Variants in ARCN1 observed in about 807,000 individuals in gnomAD.
ARCN1 encodes the protein coatomer subunit delta.
In ARCN1, 5 loss-of-function variants were observed where a neutral mutation model predicts 60.4. The observed-to-expected ratio is 0.08, with a 90% CI of 0.04 to 0.17. The LOEUF (loss-of-function observed/expected upper bound fraction) is 0.17, where lower values mean the gene tolerates loss of function less well. Ranked by LOEUF, ARCN1 falls within the 10% of genes least tolerant of loss-of-function variation. ARCN1 has a pLI of 1.00. For missense variants in ARCN1, 464 were observed against 626.5 expected, an observed-to-expected ratio of 0.74 and a Z score of 2.77; for synonymous variants, 224 against 220.0, an observed-to-expected ratio of 1.02 and a Z score of -0.16.
chr11:118,585,697 G>A (rs1555075394), intron 5 of ARCN1, among the ~76,000 whole-genome samples: 3 of 151,650 alleles, frequency 2.0e-5, no homozygotes, highest in East Asian at 1.9e-4. Flanking sequence ...GCACCACCAC[G>A]CTGGGCTAAT....
chr11:118,579,445 G>T (rs1555074245), intron 1 of ARCN1, among the ~76,000 whole-genome samples: 1 of 151,776 alleles, frequency 6.6e-6, no homozygotes, highest in Non-Finnish European at 1.5e-5. Context: ...GCCGAGGTGG[G>T]CAGATCACCC....
intron 2 of ARCN1, 71 bp downstream of exon 2, chr11:118,581,580 A>G: frequency 6.6e-7 from 1 of 1,508,060 alleles, no homozygotes; most frequent in South Asian, 1.3e-5. Context: ...TTTTTCCTCC[A>G]AAGCAGCTGA....
chr11:118,573,280 G>GA (rs1248750136), intron 1 of ARCN1, among the ~76,000 whole-genome samples: 3 of 152,186 alleles, frequency 2.0e-5, no homozygotes, highest in Non-Finnish European at 4.4e-5. Context: ...TCCAGGTGAA[G>GA]AAAAATGTGT....
At chr11:118,589,323 A>C (rs943454143) in intron 5 of ARCN1, among the ~76,000 whole-genome samples, 1 of 152,232 alleles carries the variant, frequency 6.6e-6, no homozygotes, top group Non-Finnish European at 1.5e-5. Context: ...TTCCTTGTAT[A>C]ATTTTAATTT....
At position 118,601,982 on chromosome 11, in the gene ARCN1, C is replaced by G. The variant is rs1555078223; in HGVS notation, c.*1268C>G. ...CATTCCTCAGTTTCACCACCTCCCT[C>G]TTCCAGACTGCACTCTCTGTCATCA... On this transcript the variant is annotated 3_prime_UTR_variant, in exon 10 of 10. Coordinates refer to ENST00000264028, the MANE Select transcript of ARCN1 (RefSeq NM_001655.5). 1 of 471,508 alleles carries G rather than the reference C, an allele frequency of 2.1e-6. No individual in the cohort carries two copies. The highest frequency in any genetic ancestry group is 1.9e-5 in the African/African-American group (1 of 51,290). 29.2% of individuals were successfully genotyped at this position (471,508 alleles called of 1,614,324 possible).
At chr11:118,574,353 A>C (rs1938432125) in intron 1 of ARCN1, among the ~76,000 whole-genome samples, 1 of 152,178 alleles carries the variant, frequency 6.6e-6, no homozygotes, top group Non-Finnish European at 1.5e-5. Flanking sequence ...GATAGGGTGA[A>C]ATTTTTATCT....
intron 5 of ARCN1, 48 bp from the exon 6 acceptor site, chr11:118,590,293 C>A: frequency 6.5e-7 from 1 of 1,542,134 alleles, no homozygotes; most frequent in Non-Finnish European, 8.9e-7. Flanking sequence ...CCACGCCCGG[C>A]CATTGGTTTC....
At position 118,600,963 on chromosome 11, in the gene ARCN1, G is replaced by C. The variant is rs958801890; in HGVS notation, c.*249G>C. On this transcript the variant is annotated 3_prime_UTR_variant, in exon 10 of 10. Coordinates refer to ENST00000264028, the MANE Select transcript of ARCN1 (RefSeq NM_001655.5). The stretch of plus-strand genomic sequence containing the variant: ...TAATTTTCTTTGGCAGATTGTATTG[G>C]CCAGCAGGAAAGCAAGCTCTCCAGA... 2 of 236,424 alleles carry C rather than the reference G, an allele frequency of 8.5e-6. No individual in the cohort carries two copies. The highest frequency in any genetic ancestry group is 2.3e-5 in the African/African-American group (1 of 43,268). The allele number at this position is 236,424 out of a possible 1,614,324, so 14.6% of individuals were successfully genotyped here.
At chr11:118,578,164 AAAATAAATAAATAAAT>A (rs10608266) in intron 1 of ARCN1, among the ~76,000 whole-genome samples, 424 of 141,614 alleles carry the variant, frequency 3.0e-3, no homozygotes, top group African/African-American at 7.4e-3. Context: ...ACTCTCTCAA[AAAATAAATAAATAAAT>A]AAATAAATAA....
chr11:118,573,466 A>G (rs534981500), intron 1 of ARCN1, among the ~76,000 whole-genome samples: 27 of 152,352 alleles, frequency 1.8e-4, no homozygotes, highest in African/African-American at 5.8e-4. Context: ...ACATCACTCA[A>G]TCTTCCTTTA....
At chr11:118,590,238 GC>G (rs1938869961) in intron 5 of ARCN1, 102 bp from the exon 6 acceptor site, 1 of 844,332 alleles carries the variant, frequency 1.2e-6, no homozygotes. Context: ...CAGGTGATCT[GC>G]CCGCCTTGGC....
At chr11:118,596,021 C>A (rs990898166) in intron 8 of ARCN1, among the ~76,000 whole-genome samples, 8 of 151,488 alleles carry the variant, frequency 5.3e-5, no homozygotes, top group African/African-American at 1.9e-4. Context: ...GAGCTGAGAT[C>A]GCGCCACTGC....
Position 118,572,422 on chromosome 11 carries a change from G to A in ARCN1, c.-126G>A. The A allele has an allele frequency of 1.1e-6, 1 of 910,352 alleles. No homozygotes were observed. The highest frequency in any genetic ancestry group is 2.2e-5 in the South Asian group (1 of 45,724). 56.4% of individuals were successfully genotyped at this position (910,352 alleles called of 1,614,324 possible). A position where few individuals can be genotyped will look rare whatever the true frequency, so the allele number is the denominator to read the frequency against. On this transcript the variant is annotated 5_prime_UTR_variant, in exon 1 of 10. Coordinates refer to ENST00000264028, the MANE Select transcript of ARCN1 (RefSeq NM_001655.5). ...CTTGGGGCCGCCATCTTGGCAAGAGGCGAAGCGGCAGCGGTTCCTGTCAAG... is the reference window on the plus strand; with the variant it reads ...CTTGGGGCCGCCATCTTGGCAAGAGACGAAGCGGCAGCGGTTCCTGTCAAG...
At chr11:118,596,447 A>G (rs568917925) in intron 8 of ARCN1, among the ~76,000 whole-genome samples, 15 of 152,352 alleles carry the variant, frequency 9.8e-5, no homozygotes, top group Non-Finnish European at 1.6e-4. Flanking sequence ...CCCTTACACA[A>G]CATTTTACTC....
chr11:118,581,179 C>A, intron 1 of ARCN1, 67 bp from the exon 2 acceptor site: 1 of 1,572,168 alleles, frequency 6.4e-7, no homozygotes, highest in South Asian at 1.1e-5. Context: ...TGGAACATTT[C>A]CTGAGATGCT....
At position 118,572,435 on chromosome 11, in the gene ARCN1, G is replaced by T. The variant is rs1180012325; in HGVS notation, c.-113G>T. On this transcript the variant is annotated 5_prime_UTR_variant, in exon 1 of 10. Coordinates refer to ENST00000264028, the MANE Select transcript of ARCN1 (RefSeq NM_001655.5). ...TCTTGGCAAGAGGCGAAGCGGCAGC[G>T]GTTCCTGTCAAGGGGGCAGCAGGTC... The T allele has an allele frequency of 8.8e-7, 1 of 1,133,250 alleles. No homozygotes were observed. The highest frequency in any genetic ancestry group is 1.2e-6 in the Non-Finnish European group (1 of 819,584). 70.2% of individuals were successfully genotyped at this position (1,133,250 alleles called of 1,614,324 possible). A position where few individuals can be genotyped will look rare whatever the true frequency, so the allele number is the denominator to read the frequency against.
intron 6 of ARCN1, 46 bp downstream of exon 6, chr11:118,590,552 AT>A: frequency 6.3e-7 from 1 of 1,581,300 alleles, no homozygotes; most frequent in Non-Finnish European, 8.6e-7. Context: ...TTGTCTACCT[AT>A]TATAGTCTTT....
chr11:118,601,536 AT>A lies in ARCN1; in HGVS notation c.*825del. The A allele has an allele frequency of 1.5e-6, 1 of 663,410 alleles. No individual in the cohort carries two copies. Among genetic ancestry groups the A allele is most frequent in the Non-Finnish European group, 2.7e-6 (1 of 366,108 alleles). 41.1% of individuals were successfully genotyped at this position (663,410 alleles called of 1,614,324 possible). On this transcript the variant is annotated 3_prime_UTR_variant, in exon 10 of 10. Coordinates refer to ENST00000264028, the MANE Select transcript of ARCN1 (RefSeq NM_001655.5). ...GGGATCATCTGTTTACAGGCATTAT[AT>A]TTATTTGGCACTCCTGGAACAAGTA...
chr11:118,591,946 G>A (rs1938922056), intron 6 of ARCN1, among the ~76,000 whole-genome samples: 1 of 151,488 alleles, frequency 6.6e-6, no homozygotes. Flanking sequence ...TTGAGACGGA[G>A]TTTCACTCTT....
Sources: gnomAD v4.1 joint callset for allele counts (sites outside exome capture counted in the v4.1 genomes callset) on GRCh38, gnomAD v4.1.1 for gene constraint, MANE v1.5 for transcripts, NCBI Gene and HGNC (gene_info 2026-07-23, HGNC 2026-07-21) for gene names.